The following PIK3C2G variants were observed in gnomAD, a reference collection of about 807,000 sequenced individuals.
The protein encoded by PIK3C2G is phosphatidylinositol-4-phosphate 3-kinase catalytic subunit type 2 gamma.
In PIK3C2G, 168 loss-of-function variants were observed where a neutral mutation model predicts 181.1. The observed-to-expected ratio is 0.93, with a 90% CI of 0.82 to 1.05. The LOEUF is 1.05. PIK3C2G is among the 50% of genes least tolerant of loss of function. The pLI, the probability that PIK3C2G is intolerant of heterozygous loss-of-function variation, is 0.00. For synonymous variants in PIK3C2G, 573 were observed against 592.2 expected (o/e 0.97, Z 0.47); for missense variants, 1,869 against 1,732.8 (o/e 1.08, Z -1.40).
At chr12:18,654,920 G>GA in the PIK3C2G span, among the ~76,000 whole-genome samples, 4 of 151,658 alleles carry the variant, frequency 2.6e-5, no homozygotes, top group Admixed American at 1.3e-4. Flanking sequence ...AAAGGAAAAA[G>GA]AAAAAAGACA....
intron 1 of PIK3C2G, among the ~76,000 whole-genome samples, chr12:18,277,360 C>T (rs190713052): frequency 6.6e-6 from 1 of 150,984 alleles, no homozygotes; most frequent in Non-Finnish European, 1.5e-5. Context: ...TTCAGAATAT[C>T]CTTCCACTCA....
chr12:18,448,632 G>C (rs887205949), intron 18 of PIK3C2G, among the ~76,000 whole-genome samples: 1 of 152,006 alleles, frequency 6.6e-6, no homozygotes, highest in South Asian at 2.1e-4. Context: ...AAATTGTACA[G>C]TATTTTTCTT....
At chr12:18,528,653 T>C (rs1186281098) in intron 24 of PIK3C2G, among the ~76,000 whole-genome samples, 1 of 152,222 alleles carries the variant, frequency 6.6e-6, no homozygotes, top group Non-Finnish European at 1.5e-5. Flanking sequence ...TCCAGCAGAC[T>C]AATTCTACTA....
At chr12:18,254,948 G>A (rs1948129328) in intron 1 of PIK3C2G, among the ~76,000 whole-genome samples, 2 of 151,760 alleles carry the variant, frequency 1.3e-5, no homozygotes, top group African/African-American at 4.8e-5. Context: ...AGTGGCTCAG[G>A]CCGGGCGCAG....
At chr12:18,451,488 G>C (rs776665343) in intron 18 of PIK3C2G, among the ~76,000 whole-genome samples, 1 of 152,104 alleles carries the variant, frequency 6.6e-6, no homozygotes, top group Non-Finnish European at 1.5e-5. Flanking sequence ...TCACACAATG[G>C]GGTTTTCTAA....
the PIK3C2G span, among the ~76,000 whole-genome samples, chr12:18,687,070 G>T: frequency 6.6e-6 from 1 of 152,036 alleles, no homozygotes; most frequent in Non-Finnish European, 1.5e-5. Flanking sequence ...GGACACAGCC[G>T]TAGCAATGTG....
intron 30 of PIK3C2G, among the ~76,000 whole-genome samples, chr12:18,602,678 C>A (rs1263567560): frequency 1.3e-5 from 2 of 152,116 alleles, no homozygotes; most frequent in Admixed American, 1.3e-4. Context: ...GAGAGACCCA[C>A]AGACAGTTCA....
chr12:18,462,360 G>C (rs1459923746), intron 18 of PIK3C2G, among the ~76,000 whole-genome samples: 1 of 152,068 alleles, frequency 6.6e-6, no homozygotes, highest in Non-Finnish European at 1.5e-5. Context: ...TTTTATAAAA[G>C]ATATAGCTAA....
chr12:18,376,954 T>A (rs1942489495), intron 13 of PIK3C2G, among the ~76,000 whole-genome samples: 1 of 152,186 alleles, frequency 6.6e-6, no homozygotes, highest in Admixed American at 6.5e-5. Flanking sequence ...ATGAGCCAAG[T>A]AAACTTTTCT....
chr12:18,633,001 T>C (rs997460047), intron 31 of PIK3C2G, among the ~76,000 whole-genome samples: 1 of 152,170 alleles, frequency 6.6e-6, no homozygotes, highest in Non-Finnish European at 1.5e-5. Context: ...CCCTGTCAAC[T>C]TGCCACTCAT....
chr12:18,672,758 C>T, the PIK3C2G span, among the ~76,000 whole-genome samples: 2 of 152,268 alleles, frequency 1.3e-5, no homozygotes, highest in African/African-American at 4.8e-5. Context: ...ACTCTTCCCT[C>T]CCTTCAACCT....
intron 25 of PIK3C2G, among the ~76,000 whole-genome samples, chr12:18,543,950 CAT>C (rs2136263207): frequency 6.6e-6 from 1 of 151,910 alleles, no homozygotes; most frequent in Non-Finnish European, 1.5e-5. Flanking sequence ...ATATGACAAA[CAT>C]ACATATGAAC....
intron 6 of PIK3C2G, among the ~76,000 whole-genome samples, chr12:18,317,510 T>C (rs956799871): frequency 6.6e-6 from 1 of 152,200 alleles, no homozygotes; most frequent in Non-Finnish European, 1.5e-5. Flanking sequence ...TTTTCTAAAA[T>C]GTAGAGTTCA....
chr12:18,262,010 T>C (rs1948260062), intron 1 of PIK3C2G, among the ~76,000 whole-genome samples: 2 of 152,118 alleles, frequency 1.3e-5, no homozygotes, highest in Admixed American at 1.3e-4. Flanking sequence ...GGCATCCCCA[T>C]GATGGCTCCC....
chr12:18,479,621 G>T (rs150853355), intron 18 of PIK3C2G, among the ~76,000 whole-genome samples: 10 of 152,130 alleles, frequency 6.6e-5, no homozygotes, highest in Non-Finnish European at 1.5e-4. Flanking sequence ...ATAGAGCCCC[G>T]GAACTGGAAG....
Position 18,424,055 on chromosome 12 carries a change from T to C in PIK3C2G, c.2504+16T>C, listed in dbSNP as rs768459225. ...GTCTTTACTGGTAAGATTAACTAAA[T>C]CAGGCAAGGATGCCTTTTTAATTGC... is the stretch of plus-strand genomic sequence containing the variant. On this transcript the variant is annotated intron_variant, in intron 18 of 32. Coordinates refer to ENST00000538779, the MANE Select transcript of PIK3C2G (RefSeq NM_001288772.2). The C allele has an allele frequency of 6.5e-7, 1 of 1,538,854 alleles. No homozygotes were observed. Among genetic ancestry groups the C allele is most frequent in the Non-Finnish European group, 9.0e-7 (1 of 1,116,450 alleles).
chr12:18,701,053 C>T, the PIK3C2G span, among the ~76,000 whole-genome samples: 3 of 151,544 alleles, frequency 2.0e-5, no homozygotes, highest in South Asian at 2.1e-4. Context: ...GGCTCGATCT[C>T]GGCTCACTGC....
At chr12:18,394,875 A>C (rs1038002396) in intron 15 of PIK3C2G, among the ~76,000 whole-genome samples, 2 of 151,928 alleles carry the variant, frequency 1.3e-5, no homozygotes, top group Non-Finnish European at 2.9e-5. Context: ...GGCAAAAAAT[A>C]ATTAAGGAGA....
At chr12:18,418,911 T>C (rs1466105395) in intron 16 of PIK3C2G, among the ~76,000 whole-genome samples, 1 of 152,086 alleles carries the variant, frequency 6.6e-6, no homozygotes, top group Non-Finnish European at 1.5e-5. Context: ...AGTTCATGGA[T>C]GAATAGAATT....
Sources: allele counts gnomAD v4.1 joint callset (sites outside exome capture counted in the v4.1 genomes callset), GRCh38; gene constraint gnomAD v4.1.1; transcripts MANE v1.5; gene names NCBI Gene and HGNC (gene_info 2026-07-23, HGNC 2026-07-21).